The following KCNK6 variants were observed in gnomAD, a reference collection of about 807,000 sequenced individuals.
KCNK6 encodes the protein potassium channel subfamily K member 6.
KCNK6 carries 20 observed loss-of-function variants against 21.9 expected under a neutral mutation model. The ratio of observed to expected loss-of-function variants is 0.91; its 90% CI spans 0.64 to 1.32. The LOEUF is 1.32. Ranked by LOEUF, KCNK6 falls within the 40% of genes most tolerant of loss-of-function variation. The pLI is 0.00. For synonymous variants in KCNK6, 210 were observed against 218.0 expected, an observed-to-expected ratio of 0.96 and a Z score of 0.32; for missense variants, 415 against 433.1, an observed-to-expected ratio of 0.96 and a Z score of 0.37.
chr19:38,329,844 G>T lies in KCNK6; in HGVS notation c.*2441G>T. ...TGGGCTGAGCCATGGAAGGGAGGAG[G>T]GGTGAGTGCGGGCACACTCAGGAGC... On this transcript the variant is annotated 3_prime_UTR_variant, in exon 3 of 3. Coordinates refer to ENST00000263372, the MANE Select transcript of KCNK6 (RefSeq NM_004823.3). 1 of 152,756 alleles carries T rather than the reference G, an allele frequency of 6.5e-6. No homozygotes were observed. The allele number at this position is 152,756 out of a possible 1,614,324, so 9.5% of individuals were successfully genotyped here. A position where few individuals can be genotyped will look rare whatever the true frequency, so the allele number is the denominator to read the frequency against.
Position 38,329,549 on chromosome 19 carries a change from G to A in KCNK6, c.*2146G>A, listed in dbSNP as rs1969750866. ...CCACCAGCTTCTGACAAGCAGTTTA[G>A]TATGAACGGTATGCAGGGAAAGAGG... is the stretch of plus-strand genomic sequence containing the variant. On this transcript the variant is annotated 3_prime_UTR_variant, in exon 3 of 3. Coordinates refer to ENST00000263372, the MANE Select transcript of KCNK6 (RefSeq NM_004823.3). 6.6e-6 allele frequency: 1 copy of A among 152,186 alleles called. No individual in the cohort carries two copies. Among genetic ancestry groups the A allele is most frequent in the Non-Finnish European group, 1.5e-5 (1 of 68,142 alleles). 9.4% of individuals were successfully genotyped at this position (152,186 alleles called of 1,614,324 possible). A position where few individuals can be genotyped will look rare whatever the true frequency, so the allele number is the denominator to read the frequency against.
Position 38,327,473 on chromosome 19 carries a change from C to A in KCNK6, c.*70C>A. On this transcript the variant is annotated 3_prime_UTR_variant, in exon 3 of 3. Coordinates refer to ENST00000263372, the MANE Select transcript of KCNK6 (RefSeq NM_004823.3). ...GAGGGGTCCAGGCGACCAGAGCTGG[C>A]TGTACAGGAATGTCCACGAGCACAG... 1 of 1,433,076 alleles carries A rather than the reference C, an allele frequency of 7.0e-7. No homozygotes were observed. Among genetic ancestry groups the A allele is most frequent in the Non-Finnish European group, 9.6e-7 (1 of 1,045,162 alleles). The allele number at this position is 1,433,076 out of a possible 1,614,324, so 88.8% of individuals were successfully genotyped here. A position where few individuals can be genotyped will look rare whatever the true frequency, so the allele number is the denominator to read the frequency against.
Position 38,319,987 on chromosome 19 carries a change from G to C in KCNK6, c.37G>C (p.Ala13Pro). The change falls in exon 1 of 3, where the codon GCG becomes CCG. Residue 13 changes from alanine (A) to proline (P), a missense_variant. By Grantham distance (27) the Ala-to-Pro change is conservative (BLOSUM62 -1). Coordinates refer to ENST00000263372, the MANE Select transcript of KCNK6 (RefSeq NM_004823.3). ...CGCGCTTCTGGCGGGCGCCTTGGCC[G>C]CGTACGCCGCGTACCTGGTGCTGGG... ...RGALLAGALA[A>P]YAAYLVLGAL... is the part of the protein sequence containing the mutation. The C allele has an allele frequency of 6.8e-7, 1 of 1,473,854 alleles. No homozygotes were observed. The highest frequency in any genetic ancestry group is 1.5e-5 in the African/African-American group (1 of 67,758). The allele number at this position is 1,473,854 out of a possible 1,614,324, so 91.3% of individuals were successfully genotyped here.
Position 38,329,521 on chromosome 19 carries a change from T to G in KCNK6, c.*2118T>G, listed in dbSNP as rs1157380351. 6.6e-6 allele frequency: 1 copy of G among 152,132 alleles called. No homozygotes were observed. Among genetic ancestry groups the G allele is most frequent in the African/African-American group, 2.4e-5 (1 of 41,358 alleles). The allele number at this position is 152,132 out of a possible 1,614,324, so 9.4% of individuals were successfully genotyped here. A position where few individuals can be genotyped will look rare whatever the true frequency, so the allele number is the denominator to read the frequency against. The stretch of plus-strand genomic sequence containing the variant: ...AAGGCCTGGAGATGGAAAAGCATGC[T>G]GGCCACCAGCTTCTGACAAGCAGTT... On this transcript the variant is annotated 3_prime_UTR_variant, in exon 3 of 3. Coordinates refer to ENST00000263372, the MANE Select transcript of KCNK6 (RefSeq NM_004823.3).
chr19:38,331,475 A>G lies in KCNK6; in HGVS notation c.*4072A>G, dbSNP rs1969767608. 1.3e-5 allele frequency: 2 copies of G among 151,982 alleles called. No individual in the cohort carries two copies. The highest frequency in any genetic ancestry group is 4.8e-5 in the African/African-American group (2 of 41,354). The allele number at this position is 151,982 out of a possible 1,614,324, so 9.4% of individuals were successfully genotyped here. On this transcript the variant is annotated 3_prime_UTR_variant, in exon 3 of 3. Coordinates refer to ENST00000263372, the MANE Select transcript of KCNK6 (RefSeq NM_004823.3). ...CCGTCTCTACTAAAAATACAAAAAA[A>G]TTAGCTGGGTGCGGTGGCACGCACC...
intron 1 of KCNK6, among the ~76,000 whole-genome samples, chr19:38,321,740 G>A (rs563989108): frequency 3.9e-5 from 6 of 152,218 alleles, no homozygotes; most frequent in African/African-American, 9.6e-5. Context: ...GTGACTTCTC[G>A]TTAGCTGACC....
At chr19:38,320,660 G>A (rs1969641451) in intron 1 of KCNK6, among the ~76,000 whole-genome samples, 1 of 151,948 alleles carries the variant, frequency 6.6e-6, no homozygotes, top group South Asian at 2.1e-4. Context: ...CCGGTTTCAA[G>A]CTATTCTCCT....
chr19:38,325,159 C>G (rs1969695120), intron 1 of KCNK6: 1 of 151,932 alleles, frequency 6.6e-6, no homozygotes, highest in Non-Finnish European at 1.5e-5. Context: ...CTCTGTCACC[C>G]AGGCTGGAAT....
Position 38,326,897 on chromosome 19 carries a change from T to C in KCNK6, c.627T>C (p.Phe209=). 6.2e-7 allele frequency: 1 copy of C among 1,611,870 alleles called. No homozygotes were observed. Among genetic ancestry groups the C allele is most frequent in the East Asian group, 2.2e-5 (1 of 44,880 alleles). Residue 209 remains phenylalanine, a synonymous_variant, in exon 2 of 3, where the codon TTT becomes TTC. Coordinates refer to ENST00000263372, the MANE Select transcript of KCNK6 (RefSeq NM_004823.3). Reference sequence around the variant, plus strand: ...TCTTGGATGCCTTCTACTTCTGCTTTATCTCTCTGTCCACCATCGGCCTGG... The same window carrying C: ...TCTTGGATGCCTTCTACTTCTGCTTCATCTCTCTGTCCACCATCGGCCTGG... ...WSFLDAFYFC[F]ISLSTIGLGD...
rs757884594 is a variant in KCNK6, at chr19:38,326,644, C to T, written c.374C>T (p.Ala125Val). The T allele has an allele frequency of 3.7e-6, 6 of 1,610,394 alleles. No individual in the cohort carries two copies. In the Admixed American group the frequency reaches 6.7e-5, roughly 18 times the overall value. The change falls in exon 2 of 3, where the codon GCC becomes GTC. Residue 125 changes from alanine to valine, a missense_variant. Physicochemically the swap from Ala to Val is moderately conservative, Grantham distance 64. Coordinates refer to ENST00000263372, the MANE Select transcript of KCNK6 (RefSeq NM_004823.3). ...GATGCGGGCAAGGCCTTCTCCATCG[C>T]CTTTGCGCTCCTGGGCGTGCCGACC... Reference protein sequence around the residue: ...LTDAGKAFSIAFALLGVPTTM... With the variant: ...LTDAGKAFSIVFALLGVPTTM...
chr19:38,321,763 G>C (rs978459298), intron 1 of KCNK6, among the ~76,000 whole-genome samples: 4 of 152,242 alleles, frequency 2.6e-5, no homozygotes, highest in African/African-American at 7.2e-5. Flanking sequence ...CCCTGGGTCT[G>C]CCCATGCTGC....
At position 38,326,766 on chromosome 19, in the gene KCNK6, CGGCG is replaced by C; in HGVS notation, c.502_505del (p.Ala168ProfsTer12). On this transcript the variant is annotated frameshift_variant, in exon 2 of 3. Coordinates refer to ENST00000263372, the MANE Select transcript of KCNK6 (RefSeq NM_004823.3). LOFTEE classifies it high-confidence loss of function. ...GAGCATGCGTTGGGGCTGGGACCCCCGGCGGGCGGCCTGCTGGCACTTGGTGGCC... is the reference window on the plus strand; with the variant it reads ...GAGCATGCGTTGGGGCTGGGACCCCCGGCGGCCTGCTGGCACTTGGTGGCC... 2 of 1,604,420 alleles carry C rather than the reference CGGCG, an allele frequency of 1.2e-6. No individual in the cohort carries two copies. The highest frequency in any genetic ancestry group is 2.7e-5 in the African/African-American group (2 of 75,070).
chr19:38,327,123 C>A (rs536193505), intron 2 of KCNK6, 57 bp from the exon 3 acceptor site: 1 of 1,590,946 alleles, frequency 6.3e-7, no homozygotes, highest in Non-Finnish European at 8.5e-7. Flanking sequence ...AGAACTGCGG[C>A]CCCGCCTGGA....
rs540618730 is a variant in KCNK6, at chr19:38,320,199, C to T, written c.249C>T (p.Ser83=). The T allele has an allele frequency of 1.2e-6, 2 of 1,602,190 alleles. No homozygotes were observed. The highest frequency in any genetic ancestry group is 2.2e-5 in the East Asian group (1 of 44,724). The part of the protein sequence containing the change: ...GRVVLANASG[S]ANASDPAWDF... ...TCGTGCTTGCTAACGCTTCGGGGTC[C>T]GCCAACGCCTCGGACCCCGCCTGGG... The change falls in exon 1 of 3, where the codon TCC becomes TCT. Residue 83 remains serine (S), a synonymous_variant. Transcript: ENST00000263372.
In KCNK6 at chr19:38,321,624, G is replaced by C. The variant is rs562182940; in HGVS notation, c.322+1352G>C. Among the ~76,000 whole-genome samples, 174 of 152,360 alleles carry C rather than the reference G, an allele frequency of 1.1e-3. 1 individual carries two copies. The highest frequency in any genetic ancestry group is 4.2e-3 in the African/African-American group (173 of 41,582). On this transcript the variant is annotated intron_variant, in intron 1 of 2. Transcript: ENST00000263372. ...CTCTTTGTTTCTTTGTTGGGGATTT[G>C]TTGAGGAGAGGAGGCTGGTGCAGGG... is the stretch of plus-strand genomic sequence containing the variant.
intron 1 of KCNK6, among the ~76,000 whole-genome samples, chr19:38,323,662 G>T (rs969316781): frequency 6.6e-6 from 1 of 152,198 alleles, no homozygotes; most frequent in South Asian, 2.1e-4. Context: ...GTGCAGTGGC[G>T]CAGCCTTGAC....
Position 38,319,845 on chromosome 19 carries a change from G to C in KCNK6, c.-106G>C. On this transcript the variant is annotated 5_prime_UTR_variant, in exon 1 of 3. Transcript: ENST00000263372. The stretch of plus-strand genomic sequence containing the variant: ...TCCTCTTCCTCTTGGGGCATCTGCT[G>C]CCGCGCCTGTAGCACTCCCGGAACT... The C allele has an allele frequency of 3.5e-6, 4 of 1,140,824 alleles. No homozygotes were observed. The highest frequency in any genetic ancestry group is 4.6e-6 in the Non-Finnish European group (4 of 873,364). 70.7% of individuals were successfully genotyped at this position (1,140,824 alleles called of 1,614,324 possible).
At chr19:38,325,361 C>T (rs1415627539) in intron 1 of KCNK6, 10 of 974,920 alleles carry the variant, frequency 1.0e-5, no homozygotes, top group African/African-American at 5.3e-5. Flanking sequence ...ATAATCTGCC[C>T]GCCTAGGCCT....
Position 38,329,317 on chromosome 19 carries a change from C to T in KCNK6, c.*1914C>T, listed in dbSNP as rs972830019. Reference sequence around the variant, plus strand: ...CTGTAATCCCAGCACCTTGGGAAGGCCAAGGTGGGAAGATCACTTGAGGCT... The same window carrying T: ...CTGTAATCCCAGCACCTTGGGAAGGTCAAGGTGGGAAGATCACTTGAGGCT... On this transcript the variant is annotated 3_prime_UTR_variant, in exon 3 of 3. Transcript: ENST00000263372. 2.0e-5 allele frequency: 3 copies of T among 151,882 alleles called. No individual in the cohort carries two copies. Among genetic ancestry groups the T allele is most frequent in the Admixed American group, 1.3e-4 (2 of 15,236 alleles). 9.4% of individuals were successfully genotyped at this position (151,882 alleles called of 1,614,324 possible). A position where few individuals can be genotyped will look rare whatever the true frequency, so the allele number is the denominator to read the frequency against.
Sources: allele counts gnomAD v4.1 joint callset (sites outside exome capture counted in the v4.1 genomes callset), GRCh38; gene constraint gnomAD v4.1.1; transcripts MANE v1.5; gene names NCBI Gene and HGNC (gene_info 2026-07-23, HGNC 2026-07-21).